SLC37A2: variants seen among roughly 807,000 people sequenced by gnomAD.
SLC37A2 encodes glucose-6-phosphate exchanger SLC37A2.
In SLC37A2, 59 loss-of-function variants were observed where a neutral mutation model predicts 70.7. The observed-to-expected ratio is 0.83, with a 90% CI of 0.68 to 1.04. The LOEUF is 1.04. SLC37A2 is among the 50% of genes least tolerant of loss of function. SLC37A2 has a pLI of 0.00. For missense variants in SLC37A2, 580 were observed against 658.1 expected, an observed-to-expected ratio of 0.88 and a Z score of 1.30; for synonymous variants, 257 against 262.1, an observed-to-expected ratio of 0.98 and a Z score of 0.19.
chr11:125,080,537 G>A lies in SLC37A2; in HGVS notation c.528-77G>A, dbSNP rs1033766325. On this transcript the variant is annotated intron_variant, in intron 6 of 17. Transcript: ENST00000403796. This position sits in a 1 kb window ranked among gnomAD's most constrained non-coding sequence, Gnocchi z 4.3. Reference sequence around the variant, plus strand: ...TGTAGTCAGCCCAGCTTTAGAGCTTGGCTGGGGCAGTTGCTATGAACAATG... The same window carrying A: ...TGTAGTCAGCCCAGCTTTAGAGCTTAGCTGGGGCAGTTGCTATGAACAATG... 1.9e-5 allele frequency: 25 copies of A among 1,325,784 alleles called. No homozygotes were observed. Among genetic ancestry groups the A allele is most frequent in the Admixed American group, 2.9e-5 (1 of 34,288 alleles). The allele number at this position is 1,325,784 out of a possible 1,614,324, so 82.1% of individuals were successfully genotyped here.
chr11:125,074,319 A>G (rs192066099), intron 1 of SLC37A2, among the ~76,000 whole-genome samples: 1 of 151,892 alleles, frequency 6.6e-6, no homozygotes, highest in African/African-American at 2.4e-5. Context: ...CACCAGGTCT[A>G]ACTGTCTCCC....
At chr11:125,066,508 A>G (rs1948981661) in intron 1 of SLC37A2, among the ~76,000 whole-genome samples, 1 of 152,250 alleles carries the variant, frequency 6.6e-6, no homozygotes, top group Non-Finnish European at 1.5e-5. Context: ...GGTGACAGAG[A>G]CTTAAAAATT....
At position 125,090,105 on chromosome 11, in the gene SLC37A2, T is replaced by TGTGTGTCGAAACTC; in HGVS notation, c.*1971_*1972insGTGTGTCGAAACTC. 6.6e-6 allele frequency: 1 copy of TGTGTGTCGAAACTC among 152,328 alleles called. No individual in the cohort carries two copies. The highest frequency in any genetic ancestry group is 2.1e-4 in the South Asian group (1 of 4,826). The allele number at this position is 152,328 out of a possible 1,614,324, so 9.4% of individuals were successfully genotyped here. A position where few individuals can be genotyped will look rare whatever the true frequency, so the allele number is the denominator to read the frequency against. ...TGCTCTGGTGGGGCCTCGGAGAACC[T>TGTGTGTCGAAACTC]TTATATCTAGCTCAGGGATTGTAAA... On this transcript the variant is annotated 3_prime_UTR_variant, in exon 18 of 18. Coordinates refer to ENST00000403796, the MANE Select transcript of SLC37A2 (RefSeq NM_001145290.2).
rs1949271360 is a variant in SLC37A2 at position 125,090,279 on chromosome 11, CTG to C, written c.*2147_*2148del. On this transcript the variant is annotated 3_prime_UTR_variant, in exon 18 of 18. Transcript: ENST00000403796. ...CTTGGAGAACCTGTGTGTCGAAACTCTGTATCTAACTAATCTGATGGGGACGT... is the reference window on the plus strand; with the variant it reads ...CTTGGAGAACCTGTGTGTCGAAACTCTATCTAACTAATCTGATGGGGACGT... The C allele has an allele frequency of 6.6e-6, 1 of 152,108 alleles. No homozygotes were observed. The highest frequency in any genetic ancestry group is 6.5e-5 in the Admixed American group (1 of 15,276). 9.4% of individuals were successfully genotyped at this position (152,108 alleles called of 1,614,324 possible). A position where few individuals can be genotyped will look rare whatever the true frequency, so the allele number is the denominator to read the frequency against.
chr11:125,073,680 C>T (rs1201190706), intron 1 of SLC37A2, among the ~76,000 whole-genome samples: 1 of 152,262 alleles, frequency 6.6e-6, no homozygotes, highest in South Asian at 2.1e-4. Context: ...ATGAAACCAG[C>T]TTTTGCCCGA....
intron 1 of SLC37A2, among the ~76,000 whole-genome samples, chr11:125,070,740 C>T (rs944227877): frequency 2.0e-5 from 3 of 152,190 alleles, no homozygotes; most frequent in African/African-American, 7.2e-5. Flanking sequence ...TACTCCGGCC[C>T]CCCAGAAGGG....
chr11:125,085,470 A>G lies in SLC37A2; in HGVS notation c.1324A>G (p.Ile442Val), dbSNP rs1405760336. 14 of 1,613,800 alleles carry G rather than the reference A, an allele frequency of 8.7e-6. No homozygotes were observed. Among genetic ancestry groups the G allele is most frequent in the Admixed American group, 1.7e-5 (1 of 59,998 alleles). Reference sequence around the variant, plus strand: ...GGCCATCATTGACGGCACCGGCTCCATAGGTCTGTGACTCTAGCTCTGTTG... The same window carrying G: ...GGCCATCATTGACGGCACCGGCTCCGTAGGTCTGTGACTCTAGCTCTGTTG... The part of the protein sequence containing the change: ...VTAIIDGTGS[I>V]GAALGPLLAG... Residue 442 changes from isoleucine (I) to valine (V), a missense_variant, in exon 15 of 18, where the codon ATA becomes GTA. Coordinates refer to ENST00000403796, the MANE Select transcript of SLC37A2 (RefSeq NM_001145290.2).
At chr11:125,073,918 C>T (rs1035070281) in intron 1 of SLC37A2, among the ~76,000 whole-genome samples, 1 of 152,182 alleles carries the variant, frequency 6.6e-6, no homozygotes, top group Non-Finnish European at 1.5e-5. Context: ...TTCAGAGCTG[C>T]CGACCTGGGA....
At chr11:125,075,535 G>A (rs1380489335) in intron 1 of SLC37A2, among the ~76,000 whole-genome samples, 1 of 152,238 alleles carries the variant, frequency 6.6e-6, no homozygotes, top group African/African-American at 2.4e-5. Context: ...CATGCTGGAT[G>A]GGATGGAAAG....
chr11:125,073,251 G>A (rs539510856), intron 1 of SLC37A2, among the ~76,000 whole-genome samples: 130 of 152,290 alleles, frequency 8.5e-4, no homozygotes, highest in African/African-American at 2.9e-3. Flanking sequence ...GTGTCCCACC[G>A]TAGGCTCCCC....
Position 125,081,519 on chromosome 11 carries a change from C to G in SLC37A2, c.732+61C>G, listed in dbSNP as rs543231114. 6,195 of 1,549,806 alleles carry G rather than the reference C, an allele frequency of 4.0e-3. 25 individuals are homozygous for G. The highest frequency in any genetic ancestry group is 4.6e-3 in the Non-Finnish European group (5,239 of 1,140,746). ...CCAACTCCATCCAGAGGGCTGGACC[C>G]GGAGAGGCCTGGGGAGCTAGAGCAG... On this transcript the variant is annotated intron_variant, in intron 8 of 17. Transcript: ENST00000403796.
chr11:125,079,798 G>C (rs1949128110), intron 6 of SLC37A2, 38 bp downstream of exon 6: 1 of 1,505,886 alleles, frequency 6.6e-7, no homozygotes, highest in Non-Finnish European at 9.2e-7. Flanking sequence ...GAAGGATTGG[G>C]AGGGCTGGGG....
At chr11:125,085,271 T>C (rs1300539375) in intron 14 of SLC37A2, 124 bp from the exon 15 acceptor site, 3 of 1,240,930 alleles carry the variant, frequency 2.4e-6, no homozygotes, top group African/African-American at 1.5e-5. Flanking sequence ...GAACGCACCA[T>C]GGGCCCCTCT....
At position 125,084,253 on chromosome 11, in the gene SLC37A2, C is replaced by T. The variant is rs1157944431; in HGVS notation, c.1059C>T (p.Leu353=). 2 of 1,614,208 alleles carry T rather than the reference C, an allele frequency of 1.2e-6. No homozygotes were observed. Among genetic ancestry groups the T allele is most frequent in the South Asian group, 1.1e-5 (1 of 91,086 alleles). Residue 353 remains leucine (L), a synonymous_variant, in exon 12 of 18, where the codon CTC becomes CTT. Transcript: ENST00000403796. ...GGIIGGIVAG[L]VSDYTNGRAT... ...TTCCAGGCGGCATCGTGGCAGGGCT[C>T]GTCTCTGACTACACCAATGGCAGGG... is the stretch of plus-strand genomic sequence containing the variant.
Position 125,063,341 on chromosome 11 carries a change from C to T in SLC37A2, c.-27C>T, listed in dbSNP as rs1365311407. The T allele has an allele frequency of 1.9e-6, 3 of 1,603,458 alleles. No individual in the cohort carries two copies. The highest frequency in any genetic ancestry group is 2.6e-6 in the Non-Finnish European group (3 of 1,173,740). On this transcript the variant is annotated 5_prime_UTR_variant, in exon 1 of 18. Coordinates refer to ENST00000403796, the MANE Select transcript of SLC37A2 (RefSeq NM_001145290.2). This position sits in a 1 kb window ranked among gnomAD's most constrained non-coding sequence, Gnocchi z 5.4. ...CCAGCTCTGTAGCCTCCTCCGTCGA[C>T]TCAGCCTTAGGTACCGGTCAGGCAA...
At chr11:125,085,306 C>A in intron 14 of SLC37A2, 89 bp from the exon 15 acceptor site, 1 of 1,398,822 alleles carries the variant, frequency 7.1e-7, no homozygotes, top group South Asian at 1.2e-5. Context: ...ACCCCAGTTA[C>A]CACCTTCCCT....
intron 4 of SLC37A2, among the ~76,000 whole-genome samples, 153 bp from the exon 5 acceptor site, chr11:125,078,959 G>A (rs1229095006): frequency 6.6e-6 from 1 of 152,134 alleles, no homozygotes; most frequent in Non-Finnish European, 1.5e-5. Context: ...AAGCAGTGGG[G>A]GACAGAGGTT....
Position 125,063,549 on chromosome 11 carries a change from G to T in SLC37A2, c.59+123G>T. The T allele has an allele frequency of 2.3e-6, 2 of 865,840 alleles. No homozygotes were observed. Among genetic ancestry groups the T allele is most frequent in the Non-Finnish European group, 1.7e-6 (1 of 579,196 alleles). 53.6% of individuals were successfully genotyped at this position (865,840 alleles called of 1,614,324 possible). A position where few individuals can be genotyped will look rare whatever the true frequency, so the allele number is the denominator to read the frequency against. On this transcript the variant is annotated intron_variant, in intron 1 of 17. Coordinates refer to ENST00000403796, the MANE Select transcript of SLC37A2 (RefSeq NM_001145290.2). The surrounding 1 kb of genome is among the most constrained non-coding windows in gnomAD (Gnocchi z 5.4). ...GCGTCGCCGCGTGGCCAGGGGTGCTGGGGGGACTTGGTCCCGAGCTCCTCC... is the reference window on the plus strand; with the variant it reads ...GCGTCGCCGCGTGGCCAGGGGTGCTTGGGGGACTTGGTCCCGAGCTCCTCC...
chr11:125,064,875 T>C (rs1482926688), intron 1 of SLC37A2, among the ~76,000 whole-genome samples: 1 of 152,196 alleles, frequency 6.6e-6, no homozygotes, highest in Non-Finnish European at 1.5e-5. Context: ...ATGGTGATGG[T>C]TGAGAGACAA....
Sources: gnomAD v4.1 joint callset for allele counts (sites outside exome capture counted in the v4.1 genomes callset) on GRCh38, gnomAD v4.1.1 for gene constraint, Gnocchi (gnomAD v3.1) non-coding constraint, MANE v1.5 for transcripts, NCBI Gene and HGNC (gene_info 2026-07-23, HGNC 2026-07-21) for gene names.